The following DCC variants were observed in gnomAD, a reference collection of about 807,000 sequenced individuals.
DCC encodes netrin receptor DCC.
DCC carries 58 observed loss-of-function variants against 172.5 expected under a neutral mutation model. The ratio of observed to expected loss-of-function variants is 0.34; its 90% CI spans 0.27 to 0.42. The LOEUF is 0.42. Ranked by LOEUF, DCC falls within the 10% of genes least tolerant of loss-of-function variation. The pLI is 1.00. For synonymous variants in DCC, 709 were observed against 644.5 expected (o/e 1.10, Z -1.52); for missense variants, 1,740 against 1,791.0 (o/e 0.97, Z 0.51).
chr18:52,740,757 G>T (rs2036809805), intron 1 of DCC, among the ~76,000 whole-genome samples: 1 of 152,162 alleles, frequency 6.6e-6, no homozygotes, highest in Non-Finnish European at 1.5e-5. Flanking sequence ...TGGATAATGA[G>T]GTAGGTTCTT....
chr18:53,506,268 G>C (rs963875245), intron 27 of DCC, among the ~76,000 whole-genome samples: 1 of 152,120 alleles, frequency 6.6e-6, no homozygotes, highest in Non-Finnish European at 1.5e-5. Flanking sequence ...TCAATTTCAA[G>C]TCTAATAATG....
intron 2 of DCC, among the ~76,000 whole-genome samples, chr18:52,833,157 G>A (rs1164749455): frequency 6.6e-6 from 1 of 152,054 alleles, no homozygotes; most frequent in Non-Finnish European, 1.5e-5. Flanking sequence ...TCTTCCACAT[G>A]CACCTAGTCC....
rs1010209493 is a variant in DCC at position 52,654,470 on chromosome 18, A to G, written c.92-97584A>G. ...GACATTTATTGTCTTACAGTTCTGG[A>G]GGCTGACATCCAACTCAAGGTATCA... On this transcript the variant is annotated intron_variant, in intron 1 of 28. Transcript: ENST00000442544. Among the ~76,000 whole-genome samples, 4 of 152,158 alleles carry G rather than the reference A, an allele frequency of 2.6e-5. No individual in the cohort carries two copies. In the East Asian group the frequency reaches 5.8e-4, roughly 22 times the overall value.
chr18:52,460,588 C>G (rs1378758267), intron 1 of DCC, among the ~76,000 whole-genome samples: 1 of 152,122 alleles, frequency 6.6e-6, no homozygotes, highest in Non-Finnish European at 1.5e-5. Context: ...CTGTGAACAT[C>G]ATAGAGTGCA....
intron 1 of DCC, among the ~76,000 whole-genome samples, chr18:52,400,920 A>G (rs570136696): frequency 5.9e-5 from 9 of 152,090 alleles, no homozygotes; most frequent in African/African-American, 2.2e-4. Flanking sequence ...AGGGAGGGGA[A>G]CATCACACAC....
intron 25 of DCC, among the ~76,000 whole-genome samples, chr18:53,477,107 C>G (rs959189671): frequency 2.6e-5 from 4 of 152,314 alleles, no homozygotes; most frequent in African/African-American, 9.6e-5. Flanking sequence ...CTCACGGGCT[C>G]AAGCAATCTT....
chr18:53,257,391 A>G (rs371083414), intron 12 of DCC, among the ~76,000 whole-genome samples: 1 of 152,238 alleles, frequency 6.6e-6, no homozygotes, highest in East Asian at 1.9e-4. Context: ...CATCCCATCA[A>G]TAACTAATTT....
chr18:53,233,899 C>T (rs374651079), intron 12 of DCC, among the ~76,000 whole-genome samples: 7 of 151,556 alleles, frequency 4.6e-5, no homozygotes, highest in Middle Eastern at 3.4e-3. Flanking sequence ...GGATCACCTG[C>T]GGTCAGGAGT....
At chr18:52,901,584 A>C (rs1047556746) in intron 2 of DCC, among the ~76,000 whole-genome samples, 1 of 152,246 alleles carries the variant, frequency 6.6e-6, no homozygotes, top group Non-Finnish European at 1.5e-5. Context: ...AAAAGTGTTT[A>C]TAATGGCATA....
chr18:52,681,975 A>C (rs1453000150), intron 1 of DCC, among the ~76,000 whole-genome samples: 1 of 152,142 alleles, frequency 6.6e-6, no homozygotes, highest in Non-Finnish European at 1.5e-5. Context: ...AGGGTTAATA[A>C]ATGTTTTCAA....
chr18:53,022,146 T>TG (rs1394377325), intron 5 of DCC, among the ~76,000 whole-genome samples: 3 of 152,166 alleles, frequency 2.0e-5, no homozygotes, highest in African/African-American at 7.2e-5. Flanking sequence ...AAATATCTTT[T>TG]CAGGAAAATA....
At chr18:53,097,835 T>C (rs1434258761) in intron 7 of DCC, among the ~76,000 whole-genome samples, 1 of 152,204 alleles carries the variant, frequency 6.6e-6, no homozygotes. Flanking sequence ...AGAGATTTGA[T>C]GTCTCTTCCT....
intron 1 of DCC, among the ~76,000 whole-genome samples, chr18:52,617,682 G>T (rs1008811710): frequency 3.3e-5 from 5 of 151,980 alleles, no homozygotes; most frequent in African/African-American, 1.2e-4. Flanking sequence ...TCTTATCTTT[G>T]CTTTCTTACC....
chr18:53,056,978 A>G (rs1382466548), intron 5 of DCC, among the ~76,000 whole-genome samples: 3 of 151,848 alleles, frequency 2.0e-5, no homozygotes, highest in Non-Finnish European at 4.4e-5. Context: ...AATGCAGAGA[A>G]TACTATATAT....
intron 1 of DCC, among the ~76,000 whole-genome samples, chr18:52,673,004 A>G (rs1479425116): frequency 6.6e-6 from 1 of 152,196 alleles, no homozygotes; most frequent in Non-Finnish European, 1.5e-5. Flanking sequence ...TTGAGGCTGC[A>G]GTGAGCCATG....
At chr18:53,230,385 T>C (rs1176288124) in intron 12 of DCC, among the ~76,000 whole-genome samples, 2 of 152,072 alleles carry the variant, frequency 1.3e-5, no homozygotes, top group Non-Finnish European at 2.9e-5. Context: ...AAAAATGAAA[T>C]GATCAGAATT....
Position 53,137,405 on chromosome 18 carries a change from G to A in DCC, c.1262-19951G>A, listed in dbSNP as rs141480198. ...CCTCAGAACTTTGAGGCCACTCAGC[G>A]TTCCTGGCCATGTAGCCTCTCCATA... On this transcript the variant is annotated intron_variant, in intron 7 of 28. Coordinates refer to ENST00000442544, the MANE Select transcript of DCC (RefSeq NM_005215.4). 2.8e-3 allele frequency among the ~76,000 whole-genome samples: 419 copies of A among 152,294 alleles called. 4 individuals carry two copies. The highest frequency in any genetic ancestry group is 3.4e-3 in the Middle Eastern group (1 of 294).
At chr18:53,420,602 G>A (rs1236236879) in intron 21 of DCC, among the ~76,000 whole-genome samples, 2 of 152,090 alleles carry the variant, frequency 1.3e-5, no homozygotes, top group Non-Finnish European at 2.9e-5. Flanking sequence ...TGGCCTTCTC[G>A]CTGTGTCTTC....
At chr18:52,728,783 C>T (rs1432392534) in intron 1 of DCC, among the ~76,000 whole-genome samples, 2 of 152,142 alleles carry the variant, frequency 1.3e-5, no homozygotes, top group East Asian at 1.9e-4. Context: ...TCTCCATAGC[C>T]AATAGTTGAC....
Sources: gnomAD v4.1 joint callset for allele counts (sites outside exome capture counted in the v4.1 genomes callset) on GRCh38, gnomAD v4.1.1 for gene constraint, MANE v1.5 for transcripts, NCBI Gene and HGNC (gene_info 2026-07-23, HGNC 2026-07-21) for gene names.